GNB1: variants seen among roughly 807,000 people sequenced by gnomAD.
GNB1 encodes G protein subunit beta 1.
A neutral mutation model predicts 42.9 loss-of-function variants in GNB1; 2 were observed. The ratio of observed to expected loss-of-function variants is 0.05; its 90% CI spans 0.02 to 0.15. GNB1 has a LOEUF of 0.15. Ranked by LOEUF, GNB1 falls within the 10% of genes least tolerant of loss-of-function variation. The pLI, the probability that GNB1 is intolerant of heterozygous loss-of-function variation, is 1.00. For missense variants in GNB1, 193 were observed against 462.2 expected (o/e 0.42, Z 5.34); for synonymous variants, 183 against 174.7 (o/e 1.05, Z -0.38).
intron 1 of GNB1, among the ~76,000 whole-genome samples, chr1:1,881,545 A>C (rs1323100296): frequency 1.3e-5 from 2 of 152,020 alleles, no homozygotes; most frequent in East Asian, 3.9e-4. Context: ...CTGAGAATAC[A>C]GGTGTGCGCC....
rs1244777545 is a variant in GNB1 at position 1,786,844 on chromosome 1, C to T, written c.*219G>A. On this transcript the variant is annotated 3_prime_UTR_variant, in exon 12 of 12. Transcript: ENST00000378609. ...AGACGATGGCCCCGGAAGGAATGCA[C>T]AATTTGTTTTAGTTTACAGCACAGA... is the stretch of plus-strand genomic sequence containing the variant. 1.3e-5 allele frequency: 2 copies of T among 152,632 alleles called. No individual in the cohort carries two copies. Among genetic ancestry groups the T allele is most frequent in the Non-Finnish European group, 2.9e-5 (2 of 68,066 alleles). The allele number at this position is 152,632 out of a possible 1,614,324, so 9.5% of individuals were successfully genotyped here. A position where few individuals can be genotyped will look rare whatever the true frequency, so the allele number is the denominator to read the frequency against.
intron 2 of GNB1, among the ~76,000 whole-genome samples, chr1:1,838,353 C>T (rs1271162778): frequency 3.9e-5 from 6 of 152,184 alleles, no homozygotes; most frequent in Non-Finnish European, 7.3e-5. Context: ...TCACTCACTA[C>T]GAACATGGCT....
chr1:1,830,731 G>A (rs1245412072), intron 2 of GNB1, among the ~76,000 whole-genome samples: 1 of 152,022 alleles, frequency 6.6e-6, no homozygotes, highest in Non-Finnish European at 1.5e-5. Context: ...ATTTTTGGTA[G>A]AGACGAGGCC....
intron 1 of GNB1, among the ~76,000 whole-genome samples, chr1:1,854,987 C>T (rs1028159404): frequency 4.6e-5 from 7 of 152,000 alleles, no homozygotes; most frequent in Admixed American, 6.6e-5. Flanking sequence ...GGTGAAACCC[C>T]GTCTCTACTA....
chr1:1,830,036 G>A (rs948318113), intron 2 of GNB1, among the ~76,000 whole-genome samples: 7 of 151,240 alleles, frequency 4.6e-5, no homozygotes, highest in Admixed American at 2.6e-4. Context: ...CACTGCGCCC[G>A]GCCCGCCATC....
At position 1,789,069 on chromosome 1, in the gene GNB1, G is replaced by C. The variant is rs151237596; in HGVS notation, c.900C>G (p.Leu300=). The change falls in exon 10 of 12, where the codon CTC becomes CTG. Residue 300 remains leucine (L), a synonymous_variant. Transcript: ENST00000378609. ...GCCACGTACCTGCCCGGTCGGCTTT[G>C]AGTGCATCCCAGACGTTGCAGTTGA... The part of the protein sequence containing the change: ...DDFNCNVWDA[L]KADRAGVLAG... The C allele has an allele frequency of 4.3e-6, 7 of 1,613,752 alleles. No individual in the cohort carries two copies. Among genetic ancestry groups the C allele is most frequent in the Non-Finnish European group, 4.2e-6 (5 of 1,179,664 alleles).
intron 5 of GNB1, among the ~76,000 whole-genome samples, chr1:1,811,724 T>C (rs1646782200): frequency 6.6e-6 from 1 of 150,764 alleles, no homozygotes; most frequent in Non-Finnish European, 1.5e-5. Context: ...TAGTAGTCAT[T>C]TCTACTGTTT....
intron 5 of GNB1, among the ~76,000 whole-genome samples, chr1:1,813,373 A>C (rs143873357): frequency 2.0e-5 from 3 of 152,198 alleles, no homozygotes; most frequent in Non-Finnish European, 1.5e-5. Flanking sequence ...AGCCTCCCAA[A>C]GTGCTGGGAT....
At chr1:1,813,501 G>C (rs914604810) in intron 5 of GNB1, among the ~76,000 whole-genome samples, 2 of 152,068 alleles carry the variant, frequency 1.3e-5, no homozygotes, top group African/African-American at 2.4e-5. Flanking sequence ...TATTTATTTA[G>C]AGACAGGGTC....
chr1:1,823,470 G>T (rs1477507449), intron 3 of GNB1, among the ~76,000 whole-genome samples: 1 of 151,884 alleles, frequency 6.6e-6, no homozygotes, highest in Non-Finnish European at 1.5e-5. Context: ...ATACCTTTTG[G>T]TTTTATTTAA....
rs573903747 is a variant in GNB1, at chr1:1,785,940, G to A, written c.*1123C>T. Reference sequence around the variant, plus strand: ...GGACAGAGCCGCAATGGTTACAACTGTAAGAGGTTATTTCTTAAAAGAAAA... The same window carrying A: ...GGACAGAGCCGCAATGGTTACAACTATAAGAGGTTATTTCTTAAAAGAAAA... On this transcript the variant is annotated 3_prime_UTR_variant, in exon 12 of 12. Transcript: ENST00000378609. The A allele has an allele frequency of 3.0e-5, 12 of 398,754 alleles. No homozygotes were observed. The highest frequency in any genetic ancestry group is 6.2e-5 in the African/African-American group (3 of 48,554). The allele number at this position is 398,754 out of a possible 1,614,324, so 24.7% of individuals were successfully genotyped here.
intron 6 of GNB1, among the ~76,000 whole-genome samples, chr1:1,804,923 G>A (rs1646676585): frequency 6.6e-6 from 1 of 152,188 alleles, no homozygotes; most frequent in Non-Finnish European, 1.5e-5. Flanking sequence ...ACTTTGGGAG[G>A]CTAAGTCGGG....
intron 1 of GNB1, among the ~76,000 whole-genome samples, chr1:1,883,134 C>G (rs1649945405): frequency 6.6e-6 from 1 of 150,932 alleles, no homozygotes; most frequent in Non-Finnish European, 1.5e-5. Context: ...TAGCTGGGCA[C>G]GGTGGCATGT....
At chr1:1,826,060 G>C (rs1299649831) in intron 2 of GNB1, among the ~76,000 whole-genome samples, 1 of 152,110 alleles carries the variant, frequency 6.6e-6, no homozygotes, top group Non-Finnish European at 1.5e-5. Context: ...GTTATAAAAA[G>C]AAAAATCTGT....
chr1:1,786,377 C>T lies in GNB1; in HGVS notation c.*686G>A, dbSNP rs535701218. On this transcript the variant is annotated 3_prime_UTR_variant, in exon 12 of 12. Coordinates refer to ENST00000378609, the MANE Select transcript of GNB1 (RefSeq NM_002074.5). ...GATTCTCTGATCACGCATTTGAGAC[C>T]GTCCCCGCATGTGCTTGGCCCCATG... 1.4e-5 allele frequency: 4 copies of T among 283,368 alleles called. No homozygotes were observed. Among genetic ancestry groups the T allele is most frequent in the Middle Eastern group, 9.9e-4 (1 of 1,006 alleles). The allele number at this position is 283,368 out of a possible 1,614,324, so 17.6% of individuals were successfully genotyped here.
intron 3 of GNB1, among the ~76,000 whole-genome samples, chr1:1,820,394 GATT>G: frequency 7.0e-6 from 1 of 142,634 alleles, no homozygotes; most frequent in Middle Eastern, 3.7e-3. Flanking sequence ...ACTATACTGA[GATT>G]ATTATAAATA....
intron 1 of GNB1, among the ~76,000 whole-genome samples, chr1:1,874,863 G>A (rs953946118): frequency 3.9e-5 from 6 of 152,018 alleles, no homozygotes; most frequent in Non-Finnish European, 5.9e-5. Context: ...TTACAGCAGC[G>A]GTCACCAACC....
intron 1 of GNB1, among the ~76,000 whole-genome samples, chr1:1,863,174 G>C (rs1256448879): frequency 6.6e-6 from 1 of 152,090 alleles, no homozygotes. Flanking sequence ...TCTACAAATG[G>C]GCTGTAGAGG....
At chr1:1,853,114 T>C (rs1648081940) in intron 1 of GNB1, among the ~76,000 whole-genome samples, 1 of 152,060 alleles carries the variant, frequency 6.6e-6, no homozygotes, top group Admixed American at 6.6e-5. Flanking sequence ...CCTGCCCCTG[T>C]GCTCCACTCC....
Sources: allele counts gnomAD v4.1 joint callset (sites outside exome capture counted in the v4.1 genomes callset), GRCh38; gene constraint gnomAD v4.1.1; transcripts MANE v1.5; gene names NCBI Gene and HGNC (gene_info 2026-07-23, HGNC 2026-07-21).